The following IRGM variants were observed in gnomAD, a reference collection of about 807,000 sequenced individuals.
IRGM encodes the protein immunity related GTPase M.
For missense variants in IRGM, 288 were observed against 219.9 expected, an observed-to-expected ratio of 1.31 and a Z score of -1.96; for synonymous variants, 98 against 80.6, an observed-to-expected ratio of 1.22 and a Z score of -1.16.
In IRGM at chr5:150,883,374, GA is replaced by G. The variant is rs1754472870; in HGVS notation, c.*140+3729del. On this transcript the variant is annotated intron_variant and NMD_transcript_variant, in intron 3 of 3. Transcript: ENST00000520549. ...AAAAAGATAAGAAAAACTAAGCCTA[GA>G]GTAGTAGAAAGAAGGAAATAATAAA... Among the ~76,000 whole-genome samples, 10 of 138,586 alleles carry G rather than the reference GA, an allele frequency of 7.2e-5. No individual in the cohort carries two copies. In the South Asian group the frequency reaches 2.2e-3, roughly 31 times the overall value. The allele number at this position is 138,586 out of a possible 152,430, so 90.9% of individuals were successfully genotyped here. A position where few individuals can be genotyped will look rare whatever the true frequency, so the allele number is the denominator to read the frequency against.
In IRGM at chr5:150,847,906, G is replaced by A. The variant is rs147715114; in HGVS notation, c.-218G>A. The A allele has an allele frequency of 3.6e-4, 189 of 527,392 alleles. No individual in the cohort carries two copies. Among genetic ancestry groups the A allele is most frequent in the African/African-American group, 1.6e-3 (86 of 52,638 alleles). The allele number at this position is 527,392 out of a possible 1,614,324, so 32.7% of individuals were successfully genotyped here. ...CAATATCTGCGTCCAGGGTTCAAGC[G>A]ATTCCCCTGCCTCAGCCTCCTGTAT... On this transcript the variant is annotated 5_prime_UTR_variant, in exon 2 of 2. Transcript: ENST00000522154.
intron 1 of IRGM, among the ~76,000 whole-genome samples, chr5:150,864,753 C>A (rs1754181964): frequency 6.6e-6 from 1 of 152,212 alleles, no homozygotes; most frequent in African/African-American, 2.4e-5. Flanking sequence ...TTTGACCAAT[C>A]CTGGCAAGAA....
chr5:150,895,644 T>C, intron 3 of IRGM: 1 of 1,613,260 alleles, frequency 6.2e-7, no homozygotes, highest in South Asian at 1.1e-5. Context: ...GTGGGACTTC[T>C]GAGAGAAGGC....
At chr5:150,864,462 A>G (rs1451056649) in intron 1 of IRGM, among the ~76,000 whole-genome samples, 1 of 152,064 alleles carries the variant, frequency 6.6e-6, no homozygotes, top group African/African-American at 2.4e-5. Flanking sequence ...TTCCACATTA[A>G]ACATTACTTC....
intron 1 of IRGM, among the ~76,000 whole-genome samples, chr5:150,870,178 A>C (rs527698300): frequency 6.6e-6 from 1 of 152,300 alleles, no homozygotes; most frequent in Non-Finnish European, 1.5e-5. Flanking sequence ...TATTATAACT[A>C]GGCTCAAACA....
chr5:150,886,520 A>C (rs140883911), intron 3 of IRGM, among the ~76,000 whole-genome samples: 20 of 151,982 alleles, frequency 1.3e-4, no homozygotes, highest in South Asian at 2.1e-4. Context: ...CTGTGAATCC[A>C]TGAAGTCCTA....
Position 150,863,762 on chromosome 5 carries a change from C to T in IRGM, c.159-14218C>T, listed in dbSNP as rs558225990. ...ATAACTGCAGAAGCTACACCTGAAC[C>T]GATAATTTCATTCCCAAGTATAGTG... is the stretch of plus-strand genomic sequence containing the variant. On this transcript the variant is annotated intron_variant and NMD_transcript_variant, in intron 1 of 3. Transcript: ENST00000520549. Among the ~76,000 whole-genome samples the T allele has an allele frequency of 5.3e-5, 8 of 152,260 alleles. No individual in the cohort carries two copies. The South Asian group carries it at 1.2e-3, about 24-fold the overall frequency.
chr5:150,858,420 G>A, intron 1 of IRGM, among the ~76,000 whole-genome samples: 1 of 152,076 alleles, frequency 6.6e-6, no homozygotes, highest in East Asian at 1.9e-4. Flanking sequence ...CTCTTTTTTG[G>A]TTCCATATGA....
downstream of IRGM, among the ~76,000 whole-genome samples, chr5:150,852,757 A>C (rs1753994323): frequency 6.6e-6 from 1 of 152,000 alleles, no homozygotes; most frequent in Non-Finnish European, 1.5e-5. Context: ...ACCCTTTTTC[A>C]TTCTCAACTC....
intron 1 of IRGM, among the ~76,000 whole-genome samples, chr5:150,869,820 G>T (rs1015115651): frequency 2.0e-5 from 3 of 152,076 alleles, no homozygotes; most frequent in African/African-American, 4.8e-5. Flanking sequence ...CCACAGAAGG[G>T]TCAACATTGA....
chr5:150,860,416 C>T (rs750778970), intron 1 of IRGM, among the ~76,000 whole-genome samples: 1 of 152,186 alleles, frequency 6.6e-6, no homozygotes. Flanking sequence ...GTTTTCTTGG[C>T]ACTGATGCAA....
intron 1 of IRGM, among the ~76,000 whole-genome samples, chr5:150,870,440 C>A (rs943654420): frequency 9.9e-5 from 15 of 151,816 alleles, no homozygotes; most frequent in African/African-American, 3.6e-4. Context: ...CCTGGAAGCA[C>A]ACCCTCCAGA....
rs187395700 is a variant in IRGM, at chr5:150,848,275, G to T, written c.152G>T (p.Ser51Ile). 1.8e-5 allele frequency: 28 copies of T among 1,551,812 alleles called. No homozygotes were observed. In the African/African-American group the frequency reaches 3.7e-4, roughly 20 times the overall value. ...DSGNGMSTFI[S>I]ALRNTGHEGK... ...GGCAATGGGATGTCCACCTTCATCAGTGCCCTTCGAAACACAGGACATGAG... is the reference window on the plus strand; with the variant it reads ...GGCAATGGGATGTCCACCTTCATCATTGCCCTTCGAAACACAGGACATGAG... Residue 51 changes from serine to isoleucine, a missense_variant, in exon 2 of 2, where the codon AGT (serine) becomes ATT (isoleucine). By Grantham distance (142) the Ser-to-Ile change is moderately radical. Coordinates refer to ENST00000522154, the MANE Select transcript of IRGM (RefSeq NM_001145805.2).
intron 3 of IRGM, among the ~76,000 whole-genome samples, chr5:150,892,192 TTAAG>T (rs1342465087): frequency 6.7e-6 from 1 of 148,752 alleles, no homozygotes; most frequent in Non-Finnish European, 1.5e-5. Flanking sequence ...AATGGTGACA[TTAAG>T]TGTTTTTATG....
At chr5:150,870,909 G>A (rs550237018) in intron 1 of IRGM, among the ~76,000 whole-genome samples, 14 of 151,586 alleles carry the variant, frequency 9.2e-5, no homozygotes, top group South Asian at 8.3e-4. Flanking sequence ...AACTCTATCC[G>A]TCTTGATCGA....
rs1401258879 is a variant in IRGM, at chr5:150,846,692, G to A, written c.-944G>A. On this transcript the variant is annotated 5_prime_UTR_variant, in exon 1 of 2. Coordinates refer to ENST00000522154, the MANE Select transcript of IRGM (RefSeq NM_001145805.2). ...AACCTGTGAAACAACGAACCCCCCG[G>A]GGAGAAACGAACAACTCCAGACTCG... is the stretch of plus-strand genomic sequence containing the variant. 1 of 99,944 alleles carries A rather than the reference G, an allele frequency of 1.0e-5. No individual in the cohort carries two copies. Among genetic ancestry groups the A allele is most frequent in the African/African-American group, 7.8e-5 (1 of 12,830 alleles). The allele number at this position is 99,944 out of a possible 1,614,324, so 6.2% of individuals were successfully genotyped here.
chr5:150,887,129 G>C (rs142996838), intron 3 of IRGM, among the ~76,000 whole-genome samples: 5 of 151,890 alleles, frequency 3.3e-5, no homozygotes, highest in African/African-American at 1.2e-4. Flanking sequence ...TCAGAATATG[G>C]ACAGAAACAA....
Position 150,847,844 on chromosome 5 carries a change from C to T in IRGM, c.-280C>T. 2 of 364,442 alleles carry T rather than the reference C, an allele frequency of 5.5e-6. No homozygotes were observed. Among genetic ancestry groups the T allele is most frequent in the East Asian group, 5.6e-5 (1 of 17,858 alleles). 22.6% of individuals were successfully genotyped at this position (364,442 alleles called of 1,614,324 possible). A position where few individuals can be genotyped will look rare whatever the true frequency, so the allele number is the denominator to read the frequency against. ...TTTGAGATGGAGTCTTGCTCTGTTGCCAGGCTGGAGTGCAATGGCGTGATC... is the reference window on the plus strand; with the variant it reads ...TTTGAGATGGAGTCTTGCTCTGTTGTCAGGCTGGAGTGCAATGGCGTGATC... On this transcript the variant is annotated 5_prime_UTR_variant, in exon 2 of 2. Coordinates refer to ENST00000522154, the MANE Select transcript of IRGM (RefSeq NM_001145805.2).
chr5:150,890,841 C>A (rs777799265), intron 3 of IRGM, among the ~76,000 whole-genome samples: 1 of 151,954 alleles, frequency 6.6e-6, no homozygotes, highest in Non-Finnish European at 1.5e-5. Context: ...GAATGAGTCA[C>A]CTTACCTTTT....
Sources: allele counts gnomAD v4.1 joint callset (sites outside exome capture counted in the v4.1 genomes callset), GRCh38; gene constraint gnomAD v4.1.1; transcripts MANE v1.5; gene names NCBI Gene and HGNC (gene_info 2026-07-23, HGNC 2026-07-21).